The following GABPB1 variants were observed in gnomAD, a reference collection of about 807,000 sequenced individuals.
GABPB1 encodes the protein GA binding protein transcription factor subunit beta 1.
Under a neutral mutation model 45.9 loss-of-function variants are expected in GABPB1, and 15 were observed. That is an observed-to-expected ratio of 0.33 (90% CI 0.22 to 0.50). The LOEUF (loss-of-function observed/expected upper bound fraction) is 0.50, where lower values mean the gene tolerates loss of function less well. Ranked by LOEUF, GABPB1 falls within the 20% of genes least tolerant of loss-of-function variation. The pLI is 0.98. For missense variants in GABPB1, 252 were observed against 457.5 expected (o/e 0.55, Z 4.10); for synonymous variants, 143 against 154.4 (o/e 0.93, Z 0.55).
chr15:50,282,165 A>T, intron 8 of GABPB1: 1 of 389,500 alleles, frequency 2.6e-6, no homozygotes, highest in Non-Finnish European at 5.0e-6. Flanking sequence ...GCACCACTGC[A>T]CTCCAGCCTA....
chr15:50,348,723 G>A (rs759371388), intron 1 of GABPB1, among the ~76,000 whole-genome samples: 2 of 151,962 alleles, frequency 1.3e-5, no homozygotes, highest in Non-Finnish European at 2.9e-5. Flanking sequence ...TTAGCTGGGC[G>A]TCGTGGCGCG....
intron 1 of GABPB1, 99 bp from the exon 2 acceptor site, chr15:50,309,897 T>C (rs928673963): frequency 1.4e-6 from 1 of 719,844 alleles, no homozygotes; most frequent in Non-Finnish European, 2.4e-6. Flanking sequence ...CAGTTCTCAA[T>C]TATCCCTTCA....
chr15:50,304,851 T>C (rs1244064290), intron 2 of GABPB1, among the ~76,000 whole-genome samples: 1 of 152,200 alleles, frequency 6.6e-6, no homozygotes, highest in Non-Finnish European at 1.5e-5. Context: ...AATGTAACAG[T>C]GTACATTTTT....
chr15:50,340,982 A>G (rs189406848), intron 1 of GABPB1, among the ~76,000 whole-genome samples: 1 of 119,456 alleles, frequency 8.4e-6, no homozygotes, highest in Non-Finnish European at 1.7e-5. Context: ...GTTTATTACC[A>G]TATGTAATAT....
At chr15:50,330,540 C>G (rs1429200323) in intron 1 of GABPB1, among the ~76,000 whole-genome samples, 1 of 146,286 alleles carries the variant, frequency 6.8e-6, no homozygotes, top group Non-Finnish European at 1.5e-5. Flanking sequence ...TCATCTCATA[C>G]ACACTTACCT....
At chr15:50,345,734 T>C (rs747662344) in intron 1 of GABPB1, among the ~76,000 whole-genome samples, 8 of 151,968 alleles carry the variant, frequency 5.3e-5, no homozygotes, top group Non-Finnish European at 8.8e-5. Flanking sequence ...TTTTTTTAGA[T>C]GGAGTCTCGC....
intron 1 of GABPB1, chr15:50,349,686 C>T (rs2048750887): frequency 6.6e-6 from 1 of 152,172 alleles, no homozygotes; most frequent in South Asian, 2.1e-4. Flanking sequence ...AATTACAAAA[C>T]ACTACATGCA....
At chr15:50,283,664 C>A (rs1298240986) in intron 8 of GABPB1, among the ~76,000 whole-genome samples, 1 of 152,136 alleles carries the variant, frequency 6.6e-6, no homozygotes, top group Non-Finnish European at 1.5e-5. Flanking sequence ...GTGCGTGCCA[C>A]CACACCCAGC....
intron 1 of GABPB1, among the ~76,000 whole-genome samples, chr15:50,340,523 T>A (rs1393508792): frequency 7.4e-6 from 1 of 134,378 alleles, no homozygotes; most frequent in African/African-American, 2.8e-5. Context: ...TTCATGAGTA[T>A]CCTTCCAGTA....
At chr15:50,339,135 A>G (rs2048250584) in intron 1 of GABPB1, among the ~76,000 whole-genome samples, 1 of 152,152 alleles carries the variant, frequency 6.6e-6, no homozygotes, top group South Asian at 2.1e-4. Flanking sequence ...TCTGGTCAAC[A>G]TGGTGAAACC....
chr15:50,334,881 T>C (rs939298028), intron 1 of GABPB1, among the ~76,000 whole-genome samples: 15 of 152,230 alleles, frequency 9.9e-5, no homozygotes, highest in Non-Finnish European at 2.1e-4. Flanking sequence ...TTATATATCT[T>C]TTAATTCTAT....
chr15:50,278,696 G>A lies in GABPB1; in HGVS notation c.1088C>T (p.Ala363Val), dbSNP rs1266005818. The change falls in exon 9 of 9, where the codon GCA becomes GTA. Residue 363 changes from alanine to valine, a missense_variant. Ala to Val is a moderately conservative substitution (Grantham distance 64). Transcript: ENST00000380877. ...TTCCAACTTCTGTCTGTAGGCCTCT[G>A]CTTCCTGTTCTTTCTTTAGGAGCTG... ...RQQLLKKEQE[A>V]EAYRQKLEAM... The A allele has an allele frequency of 6.2e-7, 1 of 1,613,500 alleles. No homozygotes were observed. Among genetic ancestry groups the A allele is most frequent in the Non-Finnish European group, 8.5e-7 (1 of 1,179,792 alleles).
Position 50,286,052 on chromosome 15 carries a change from G to A in GABPB1, c.999+16C>T. The A allele has an allele frequency of 1.2e-6, 2 of 1,610,622 alleles. No homozygotes were observed. Among genetic ancestry groups the A allele is most frequent in the Non-Finnish European group, 1.7e-6 (2 of 1,178,510 alleles). On this transcript the variant is annotated intron_variant, in intron 8 of 8. Coordinates refer to ENST00000380877, the MANE Select transcript of GABPB1 (RefSeq NM_016654.5). ...GGATGACTGCGGCAAAGCACACCGG[G>A]TAAAAGACTCCTTACTTCTATTTCT...
In GABPB1 at chr15:50,324,584, G is replaced by A. The variant is rs188308856; in HGVS notation, c.1-14786C>T. ...TTTTGAGACAGAGTCTCACTCTGTC[G>A]CCCAGGCTGGAGTGCAGTGGGGCAA... On this transcript the variant is annotated intron_variant, in intron 1 of 8. Transcript: ENST00000380877. 4.1e-3 allele frequency among the ~76,000 whole-genome samples: 539 copies of A among 132,734 alleles called. 3 individuals are homozygous for A. Among genetic ancestry groups the A allele is most frequent in the African/African-American group, 0.015 (513 of 34,568 alleles). The allele number at this position is 132,734 out of a possible 152,430, so 87.1% of individuals were successfully genotyped here. A position where few individuals can be genotyped will look rare whatever the true frequency, so the allele number is the denominator to read the frequency against.
At chr15:50,313,825 ATG>A in intron 1 of GABPB1, among the ~76,000 whole-genome samples, 1 of 152,154 alleles carries the variant, frequency 6.6e-6, no homozygotes, top group Non-Finnish European at 1.5e-5. Context: ...AAAGTTTCTA[ATG>A]TTACTATATT....
intron 1 of GABPB1, chr15:50,351,913 T>C (rs1413075239): frequency 1.3e-5 from 2 of 152,182 alleles, no homozygotes; most frequent in African/African-American, 4.8e-5. Flanking sequence ...ATCAGAGCTA[T>C]AGAAACATTG....
chr15:50,348,225 T>C (rs768961242), intron 1 of GABPB1, among the ~76,000 whole-genome samples: 3 of 152,072 alleles, frequency 2.0e-5, no homozygotes, highest in African/African-American at 4.8e-5. Flanking sequence ...TTCTTTAAAA[T>C]AGAATCACAG....
At chr15:50,319,599 A>G (rs923050674) in intron 1 of GABPB1, among the ~76,000 whole-genome samples, 3 of 152,158 alleles carry the variant, frequency 2.0e-5, no homozygotes, top group African/African-American at 7.2e-5. Context: ...GCACTTTGGG[A>G]GGCTGAGGCG....
chr15:50,306,642 A>G (rs2046959687), intron 2 of GABPB1, among the ~76,000 whole-genome samples: 1 of 151,850 alleles, frequency 6.6e-6, no homozygotes, highest in Non-Finnish European at 1.5e-5. Context: ...AAAAAAAAAA[A>G]AAATCTTCCC....
Sources: allele counts gnomAD v4.1 joint callset (sites outside exome capture counted in the v4.1 genomes callset), GRCh38; gene constraint gnomAD v4.1.1; transcripts MANE v1.5; gene names NCBI Gene and HGNC (gene_info 2026-07-23, HGNC 2026-07-21).